CYTH1: variants seen among roughly 807,000 people sequenced by gnomAD.
CYTH1 encodes cytohesin 1, also known as cytohesin-1.
CYTH1 carries 18 observed loss-of-function variants against 61.8 expected under a neutral mutation model. The ratio of observed to expected loss-of-function variants is 0.29; its 90% CI spans 0.20 to 0.43. The LOEUF is 0.43. Among genes scored for constraint, CYTH1 ranks in the 20% least tolerant of loss-of-function variants. The pLI, the probability that CYTH1 is intolerant of heterozygous loss-of-function variation, is 1.00. For synonymous variants in CYTH1, 174 were observed against 184.3 expected (o/e 0.94, Z 0.45); for missense variants, 336 against 510.5 (o/e 0.66, Z 3.29).
At chr17:78,754,150 C>T (rs894019724) in intron 1 of CYTH1, among the ~76,000 whole-genome samples, 16 of 152,104 alleles carry the variant, frequency 1.1e-4, no homozygotes, top group Admixed American at 1.0e-3. Flanking sequence ...AGCAGCGCAT[C>T]TAGATAAACT....
chr17:78,738,708 C>G (rs984339315), intron 1 of CYTH1, among the ~76,000 whole-genome samples: 6 of 152,004 alleles, frequency 3.9e-5, no homozygotes, highest in African/African-American at 1.5e-4. Context: ...GTCAAAATCA[C>G]AGTTGTAAGT....
chr17:78,728,445 T>A (rs891516698), intron 1 of CYTH1, among the ~76,000 whole-genome samples: 1 of 151,700 alleles, frequency 6.6e-6, no homozygotes, highest in African/African-American at 2.4e-5. Context: ...CTTGGGAGGC[T>A]GGTATTACAA....
chr17:78,749,587 GCCATTATATT>G lies in CYTH1; in HGVS notation c.22+32605_22+32614del, dbSNP rs1430893281. 1.4e-4 allele frequency among the ~76,000 whole-genome samples: 22 copies of G among 151,996 alleles called. No individual in the cohort carries two copies. In the East Asian group the frequency reaches 4.3e-3, roughly 29 times the overall value. ...CAAGGCTGCAGTAAGCTATGATCAT[GCCATTATATT>G]CCAGCCTGGGTGACAAATTGAGATC... On this transcript the variant is annotated intron_variant, in intron 1 of 13. Coordinates refer to ENST00000446868, the MANE Select transcript of CYTH1 (RefSeq NM_004762.6).
At chr17:78,736,375 TGA>T in intron 1 of CYTH1, among the ~76,000 whole-genome samples, 1 of 152,218 alleles carries the variant, frequency 6.6e-6, no homozygotes, top group East Asian at 1.9e-4. Context: ...TTAAAAACAC[TGA>T]GTTACCTTAA....
At chr17:78,749,094 C>T (rs1242334987) in intron 1 of CYTH1, among the ~76,000 whole-genome samples, 1 of 152,162 alleles carries the variant, frequency 6.6e-6, no homozygotes, top group African/African-American at 2.4e-5. Flanking sequence ...CTTCTTGATA[C>T]CTGTTATTGA....
chr17:78,769,553 T>A (rs1041869467), intron 1 of CYTH1, among the ~76,000 whole-genome samples: 5 of 152,150 alleles, frequency 3.3e-5, no homozygotes, highest in Admixed American at 3.3e-4. Context: ...TTTACCTACA[T>A]TTTTCATGCA....
At chr17:78,695,439 C>T (rs2092928909) in intron 10 of CYTH1, among the ~76,000 whole-genome samples, 1 of 152,112 alleles carries the variant, frequency 6.6e-6, no homozygotes, top group Non-Finnish European at 1.5e-5. Context: ...TTCCCCTTTT[C>T]GTGCAAAGGC....
chr17:78,777,570 T>C (rs534667189), intron 1 of CYTH1, among the ~76,000 whole-genome samples: 1 of 152,294 alleles, frequency 6.6e-6, no homozygotes, highest in East Asian at 1.9e-4. Context: ...TTTTTGAAAT[T>C]GTCTTTAATT....
chr17:78,686,353 G>A (rs2092816389), intron 11 of CYTH1, among the ~76,000 whole-genome samples: 1 of 152,102 alleles, frequency 6.6e-6, no homozygotes, highest in South Asian at 2.1e-4. Context: ...ATATGCTATT[G>A]CTTGGGTTCT....
chr17:78,775,924 G>A (rs1180187965), intron 1 of CYTH1, among the ~76,000 whole-genome samples: 3 of 152,184 alleles, frequency 2.0e-5, no homozygotes, highest in African/African-American at 7.2e-5. Context: ...GGAGGCTGAA[G>A]TGGGCAAATC....
At chr17:78,710,463 C>T (rs1331486833) in intron 1 of CYTH1, among the ~76,000 whole-genome samples, 1 of 152,186 alleles carries the variant, frequency 6.6e-6, no homozygotes, top group Non-Finnish European at 1.5e-5. Flanking sequence ...CAATCTCCCC[C>T]ACCTATACCA....
At chr17:78,760,695 G>C (rs1276546423) in intron 1 of CYTH1, among the ~76,000 whole-genome samples, 1 of 149,842 alleles carries the variant, frequency 6.7e-6, no homozygotes, top group African/African-American at 2.5e-5. Context: ...CAGAACTTAA[G>C]ACTTTTAAAT....
intron 1 of CYTH1, among the ~76,000 whole-genome samples, chr17:78,732,601 A>G (rs1168668754): frequency 1.3e-5 from 2 of 152,200 alleles, no homozygotes; most frequent in African/African-American, 4.8e-5. Context: ...TACAATGCCA[A>G]ACATGCTCCT....
chr17:78,715,906 A>T (rs1316346752), intron 1 of CYTH1, among the ~76,000 whole-genome samples: 1 of 152,196 alleles, frequency 6.6e-6, no homozygotes, highest in Non-Finnish European at 1.5e-5. Flanking sequence ...GGAAGAGCTG[A>T]CCAAAGTTTG....
intron 1 of CYTH1, among the ~76,000 whole-genome samples, chr17:78,720,660 A>G (rs912783617): frequency 2.0e-5 from 3 of 152,176 alleles, no homozygotes; most frequent in Non-Finnish European, 2.9e-5. Context: ...AGATGGCTTG[A>G]GCTCAGGAGT....
At chr17:78,778,290 A>G (rs1484678350) in intron 1 of CYTH1, among the ~76,000 whole-genome samples, 1 of 128,450 alleles carries the variant, frequency 7.8e-6, no homozygotes, top group Non-Finnish European at 1.7e-5. Context: ...ACAGAACAAG[A>G]CTGTCTCAAA....
chr17:78,680,490 G>C (rs1382755212), intron 12 of CYTH1, 146 bp from the exon 13 acceptor site: 1 of 984,330 alleles, frequency 1.0e-6, no homozygotes, highest in Non-Finnish European at 1.5e-6. Flanking sequence ...GTGAAGCCTA[G>C]AAGCGGAATT....
intron 10 of CYTH1, among the ~76,000 whole-genome samples, chr17:78,693,572 G>T (rs767220427): frequency 2.7e-5 from 4 of 149,650 alleles, no homozygotes; most frequent in Non-Finnish European, 5.9e-5. Context: ...AGTGAGCCAA[G>T]ATTGCACCAC....
rs554209307 is a variant in CYTH1, at chr17:78,743,303, T to C, written c.23-33571A>G. 2.0e-5 allele frequency among the ~76,000 whole-genome samples: 3 copies of C among 152,304 alleles called. No homozygotes were observed. The East Asian group carries it at 5.8e-4, about 29-fold the overall frequency. On this transcript the variant is annotated intron_variant, in intron 1 of 13. Transcript: ENST00000446868. The stretch of plus-strand genomic sequence containing the variant: ...TCTCCGTCCACTCACCAGCCCCTCC[T>C]TCTCTGTTCTCGTCCACAGTACACC...
Sources: allele counts gnomAD v4.1 joint callset (sites outside exome capture counted in the v4.1 genomes callset), GRCh38; gene constraint gnomAD v4.1.1; transcripts MANE v1.5; gene names NCBI Gene and HGNC (gene_info 2026-07-23, HGNC 2026-07-21).